The following ACTR3C variants were observed in gnomAD, a reference collection of about 807,000 sequenced individuals.
The protein encoded by ACTR3C is actin-related protein 3C.
ACTR3C carries 18 observed loss-of-function variants against 26.3 expected under a neutral mutation model. The ratio of observed to expected loss-of-function variants is 0.68; its 90% CI spans 0.47 to 1.01. The LOEUF (loss-of-function observed/expected upper bound fraction) is 1.01, where lower values mean the gene tolerates loss of function less well. Ranked by LOEUF, ACTR3C falls within the 50% of genes least tolerant of loss-of-function variation. ACTR3C has a pLI of 0.00. For missense variants in ACTR3C, 184 were observed against 250.7 expected (o/e 0.73, Z 1.80); for synonymous variants, 55 against 94.5 (o/e 0.58, Z 2.42).
At chr7:149,965,198 AAGGGTACC>A in the ACTR3C span, among the ~76,000 whole-genome samples, 1 of 145,848 alleles carries the variant, frequency 6.9e-6, no homozygotes, top group African/African-American at 2.5e-5. Context: ...TCAGAGTTGA[AAGGGTACC>A]TTTTCCAGAT....
chr7:150,308,550 CCTT>C (rs1157376615), intron 1 of ACTR3C, among the ~76,000 whole-genome samples: 1 of 151,962 alleles, frequency 6.6e-6, no homozygotes, highest in Admixed American at 6.6e-5. Context: ...CATCCCAAAT[CCTT>C]CTTCTTTCTC....
At chr7:150,018,287 A>C in the ACTR3C span, among the ~76,000 whole-genome samples, 17,978 of 147,578 alleles carry the variant, frequency 0.12, 1,580 homozygotes, top group South Asian at 0.21. Flanking sequence ...CGTGTGATAC[A>C]CCCACCTCGG....
chr7:150,069,096 G>T, the ACTR3C span, among the ~76,000 whole-genome samples: 1 of 152,140 alleles, frequency 6.6e-6, no homozygotes, highest in African/African-American at 2.4e-5. Flanking sequence ...CTATGACTTT[G>T]AAATAATGGT....
chr7:149,921,440 G>C, the ACTR3C span, among the ~76,000 whole-genome samples: 1 of 152,130 alleles, frequency 6.6e-6, no homozygotes, highest in African/African-American at 2.4e-5. Context: ...AATGATTTTA[G>C]TTTTCTATTT....
the ACTR3C span, among the ~76,000 whole-genome samples, chr7:150,057,212 T>C: frequency 3.3e-5 from 5 of 151,582 alleles, no homozygotes; most frequent in Non-Finnish European, 7.4e-5. Flanking sequence ...AGATACCTGG[T>C]TATAATACTG....
At chr7:150,160,220 G>A in the ACTR3C span, among the ~76,000 whole-genome samples, 852 of 151,742 alleles carry the variant, frequency 5.6e-3, 11 homozygotes, top group African/African-American at 0.02. Context: ...TCGATAAAGA[G>A]TTTTAGTAAA....
chr7:150,278,396 G>A (rs1366230321), intron 6 of ACTR3C, among the ~76,000 whole-genome samples: 2 of 152,238 alleles, frequency 1.3e-5, no homozygotes, highest in East Asian at 3.8e-4. Context: ...GGGCAGCACA[G>A]AGACAGACAC....
the ACTR3C span, among the ~76,000 whole-genome samples, chr7:150,222,379 C>T: frequency 1.3e-5 from 2 of 152,332 alleles, no homozygotes; most frequent in East Asian, 1.9e-4. Flanking sequence ...CACCTTTCCA[C>T]GTGAGGAAAC....
chr7:149,923,416 ATATATATC>A, the ACTR3C span, among the ~76,000 whole-genome samples: 1 of 152,210 alleles, frequency 6.6e-6, no homozygotes, highest in African/African-American at 2.4e-5. Flanking sequence ...GGACAAATAT[ATATATATC>A]TATATCAGAT....
the ACTR3C span, chr7:150,047,576 C>G: frequency 3.2e-5 from 34 of 1,052,544 alleles, no homozygotes; most frequent in African/African-American, 5.3e-4. Context: ...CCGGAGCCCC[C>G]GCCGCCGTCC....
At chr7:150,017,574 C>G in the ACTR3C span, among the ~76,000 whole-genome samples, 2 of 150,030 alleles carry the variant, frequency 1.3e-5, no homozygotes, top group Non-Finnish European at 2.9e-5. Flanking sequence ...TGCAGAGGAG[C>G]AAGGAAGTCC....
the ACTR3C span, among the ~76,000 whole-genome samples, chr7:150,198,373 G>C: frequency 1.6e-4 from 24 of 147,422 alleles, no homozygotes; most frequent in Non-Finnish European, 2.7e-4. Flanking sequence ...GTCTGCGCCC[G>C]GCCGCCATCC....
chr7:150,195,771 T>C, the ACTR3C span, among the ~76,000 whole-genome samples: 2 of 152,084 alleles, frequency 1.3e-5, no homozygotes, highest in African/African-American at 4.8e-5. Context: ...AGCAGCTACT[T>C]GGGAGGCTGA....
the ACTR3C span, among the ~76,000 whole-genome samples, chr7:150,115,676 T>C: frequency 1.4e-3 from 208 of 152,326 alleles, no homozygotes; most frequent in Middle Eastern, 3.4e-3. Context: ...TCCACTCTCA[T>C]TGGAAAATAG....
At chr7:150,290,613 T>C (rs2531057) in intron 3 of ACTR3C, among the ~76,000 whole-genome samples, 1 of 152,240 alleles carries the variant, frequency 6.6e-6, no homozygotes, top group East Asian at 1.9e-4. Context: ...AATAGCTGCA[T>C]CTAGTCACCA....
chr7:150,219,784 A>AGCCAGC, the ACTR3C span, among the ~76,000 whole-genome samples: 5 of 144,890 alleles, frequency 3.5e-5, no homozygotes, highest in Non-Finnish European at 5.9e-5. Flanking sequence ...CCGTGACAGC[A>AGCCAGC]GCCAGCGCCA....
chr7:150,195,862 G>A, the ACTR3C span, among the ~76,000 whole-genome samples: 4 of 152,214 alleles, frequency 2.6e-5, no homozygotes, highest in African/African-American at 4.8e-5. Flanking sequence ...CTGGGAGGCA[G>A]AGTGAGACTC....
chr7:150,220,007 C>G, the ACTR3C span, among the ~76,000 whole-genome samples: 21 of 146,892 alleles, frequency 1.4e-4, no homozygotes, highest in Non-Finnish European at 2.6e-4. Context: ...CCGGCGGGAG[C>G]GGATGCACGG....
At chr7:150,004,163 T>G in the ACTR3C span, among the ~76,000 whole-genome samples, 28 of 151,976 alleles carry the variant, frequency 1.8e-4, no homozygotes, top group East Asian at 5.2e-3. Flanking sequence ...GTGTGTGTGG[T>G]GTGTATGATG....
Sources: gnomAD v4.1 joint callset for allele counts (sites outside exome capture counted in the v4.1 genomes callset) on GRCh38, gnomAD v4.1.1 for gene constraint, MANE v1.5 for transcripts, NCBI Gene and HGNC (gene_info 2026-07-23, HGNC 2026-07-21) for gene names.